LSR: variants seen among roughly 807,000 people sequenced by gnomAD.
LSR encodes the protein lipolysis stimulated lipoprotein receptor.
LSR carries 44 observed loss-of-function variants against 61.8 expected under a neutral mutation model. The observed-to-expected ratio is 0.71, with a 90% CI of 0.56 to 0.91. The LOEUF (loss-of-function observed/expected upper bound fraction) is 0.91. Ranked by LOEUF, LSR falls within the 40% of genes least tolerant of loss-of-function variation. The probability of loss-of-function intolerance (pLI) is 0.00; values close to 1 mark genes in which losing one functional copy is unlikely to be tolerated. For synonymous variants in LSR, 397 were observed against 350.6 expected (o/e 1.13, Z -1.48); for missense variants, 911 against 830.5 (o/e 1.10, Z -1.19).
Position 35,250,573 on chromosome 19 carries a change from G to T in LSR, c.368G>T (p.Arg123Leu). ...NPYVECQDSV[R>L]TVRVVATKQG... ...TACGTTGAGTGCCAGGACAGCGTGC[G>T]CACCGTCAGGGTCGTGGCCACCAAG... Residue 123 changes from arginine to leucine, a missense_variant, in exon 2 of 10, where the codon CGC becomes CTC. Arg to Leu is a moderately radical substitution (Grantham distance 102). Coordinates refer to ENST00000605618, the MANE Select transcript of LSR (RefSeq NM_205834.4). The T allele has an allele frequency of 6.2e-7, 1 of 1,613,162 alleles. No individual in the cohort carries two copies.
chr19:35,251,148 A>T (rs572359793), intron 2 of LSR, among the ~76,000 whole-genome samples: 1 of 152,154 alleles, frequency 6.6e-6, no homozygotes, highest in East Asian at 1.9e-4. Context: ...TAATTTAATA[A>T]CGAAGATTTT....
intron 2 of LSR, among the ~76,000 whole-genome samples, chr19:35,251,149 C>A (rs541105733): frequency 2.0e-5 from 3 of 152,168 alleles, no homozygotes; most frequent in Admixed American, 2.0e-4. Context: ...AATTTAATAA[C>A]GAAGATTTTT....
intron 2 of LSR, among the ~76,000 whole-genome samples, chr19:35,254,632 C>T (rs1258141884): frequency 6.6e-6 from 1 of 152,170 alleles, no homozygotes; most frequent in Non-Finnish European, 1.5e-5. Context: ...ATGAAGGTCA[C>T]CTTTGCGGTG....
intron 4 of LSR, 90 bp downstream of exon 4, chr19:35,262,071 T>G (rs1010358115): frequency 4.9e-6 from 6 of 1,218,366 alleles, no homozygotes; most frequent in African/African-American, 4.8e-5. Flanking sequence ...CCTTCCCCAC[T>G]AAACCCTGCT....
intron 2 of LSR, among the ~76,000 whole-genome samples, chr19:35,252,476 C>A (rs1366786889): frequency 6.6e-6 from 1 of 150,992 alleles, no homozygotes; most frequent in East Asian, 2.0e-4. Flanking sequence ...TGGTGAAACC[C>A]CGTCTCTACT....
At chr19:35,251,387 G>C (rs1043401141) in intron 2 of LSR, 2 of 152,200 alleles carry the variant, frequency 1.3e-5, no homozygotes. Flanking sequence ...ATTTATCTAA[G>C]TAACAACTTA....
At position 35,254,897 on chromosome 19, in the gene LSR, A is replaced by G. The variant is rs796224556; in HGVS notation, c.455-4048A>G. Reference sequence around the variant, plus strand: ...AAATGTCAGACAGGTCAAACAAAACACAGTGAGGTCCAGCCTCGGCCTACA... The same window carrying G: ...AAATGTCAGACAGGTCAAACAAAACGCAGTGAGGTCCAGCCTCGGCCTACA... On this transcript the variant is annotated intron_variant, in intron 2 of 9. Transcript: ENST00000605618. Among the ~76,000 whole-genome samples the G allele has an allele frequency of 5.0e-4, 76 of 152,330 alleles. 1 individual carries two copies. Among genetic ancestry groups the G allele is most frequent in the African/African-American group, 1.7e-3 (72 of 41,580 alleles).
rs938435775 is a variant in LSR, at chr19:35,267,110, C to T, written c.1146C>T (p.Ala382=). 6.5e-7 allele frequency: 1 copy of T among 1,528,430 alleles called. No homozygotes were observed. Among genetic ancestry groups the T allele is most frequent in the Non-Finnish European group, 8.8e-7 (1 of 1,142,278 alleles). 94.7% of individuals were successfully genotyped at this position (1,528,430 alleles called of 1,614,324 possible). A position where few individuals can be genotyped will look rare whatever the true frequency, so the allele number is the denominator to read the frequency against. The part of the protein sequence containing the change: ...PGPPSGRVER[A]MSEVTSLHED... ...CAGTGACACCCCCCTTCCCTGCAGC[C>T]ATGAGTGAAGTCACCTCCCTCCACG... The change falls in exon 9 of 10, where the codon GCC becomes GCT. Residue 382 remains alanine (A), a splice_region_variant and synonymous_variant. Transcript: ENST00000605618.
At chr19:35,265,073 A>C (rs983763154) in intron 5 of LSR, among the ~76,000 whole-genome samples, 1 of 152,214 alleles carries the variant, frequency 6.6e-6, no homozygotes, top group Non-Finnish European at 1.5e-5. Flanking sequence ...GTGGTGTGCA[A>C]CCTGGTTCCT....
chr19:35,267,537 G>T lies in LSR; in HGVS notation c.1573G>T (p.Asp525Tyr), dbSNP rs141654455. The T allele has an allele frequency of 5.8e-4, 931 of 1,612,244 alleles. 2 individuals carry two copies. The African/African-American group carries it at 0.012, about 20-fold the overall frequency. ...DPRSHHHRTR[D>Y]PRDNGSRSGD... ...CAGGTCCCACCACCACCGTACCCGGGACCCTCGGGACAACGGCTCCAGGTC... is the reference window on the plus strand; with the variant it reads ...CAGGTCCCACCACCACCGTACCCGGTACCCTCGGGACAACGGCTCCAGGTC... The change falls in exon 9 of 10, where the codon GAC (aspartate) becomes TAC (tyrosine). Residue 525 changes from aspartate (D) to tyrosine (Y), a missense_variant. Physicochemically the swap from Asp to Tyr is radical, Grantham distance 160 (BLOSUM62 -3). Transcript: ENST00000605618.
chr19:35,250,267 C>G (rs1376789244), intron 1 of LSR, 48 bp from the exon 2 acceptor site: 4 of 1,331,068 alleles, frequency 3.0e-6, no homozygotes, highest in Admixed American at 2.3e-5. Context: ...TGTTGAAGCA[C>G]CTCCCTGAGC....
intron 2 of LSR, among the ~76,000 whole-genome samples, chr19:35,258,028 A>C (rs2065877107): frequency 6.6e-6 from 1 of 152,040 alleles, no homozygotes; most frequent in South Asian, 2.1e-4. Context: ...GGTACCTAGA[A>C]TCTGGCCTGT....
At position 35,262,504 on chromosome 19, in the gene LSR, C is replaced by A. The variant is rs746221676; in HGVS notation, c.632-42C>A. The A allele has an allele frequency of 1.9e-6, 3 of 1,612,666 alleles. No homozygotes were observed. The South Asian group carries it at 3.3e-5, about 18-fold the overall frequency. On this transcript the variant is annotated intron_variant, in intron 4 of 9. Coordinates refer to ENST00000605618, the MANE Select transcript of LSR (RefSeq NM_205834.4). ...CCCTGCTGTGCCGTTAGCCCTGTTC[C>A]CTCCCAGGCCTCCGGGCTCAGGGCC...
In LSR at chr19:35,267,183, A is replaced by G. The variant is rs757223953; in HGVS notation, c.1219A>G (p.Ile407Val). The change falls in exon 9 of 10, where the codon ATC becomes GTC. Residue 407 changes from isoleucine (I) to valine (V), a missense_variant. Coordinates refer to ENST00000605618, the MANE Select transcript of LSR (RefSeq NM_205834.4). ...RPSRGPALTP[I>V]RDEEWGGHSP... Reference sequence around the variant, plus strand: ...TTCCCGGGGCCCTGCCCTCACCCCGATCCGGGATGAGGAGTGGGGTGGCCA... The same window carrying G: ...TTCCCGGGGCCCTGCCCTCACCCCGGTCCGGGATGAGGAGTGGGGTGGCCA... 5 of 1,523,820 alleles carry G rather than the reference A, an allele frequency of 3.3e-6. No individual in the cohort carries two copies. Among genetic ancestry groups the G allele is most frequent in the Non-Finnish European group, 4.4e-6 (5 of 1,139,244 alleles). The allele number at this position is 1,523,820 out of a possible 1,614,324, so 94.4% of individuals were successfully genotyped here.
chr19:35,266,944 C>T lies in LSR; in HGVS notation c.1121C>T (p.Pro374Leu), dbSNP rs201351520. 6.2e-7 allele frequency: 1 copy of T among 1,613,456 alleles called. No individual in the cohort carries two copies. Among genetic ancestry groups the T allele is most frequent in the African/African-American group, 1.3e-5 (1 of 75,034 alleles). ...AACTTCGACCCTTCTCGACCTGGCC[C>T]CCCCAGTGGCCGTGTGGAGCGGGGT... ...LANFDPSRPG[P>L]PSGRVERAMS... The change falls in exon 8 of 10, where the codon CCC becomes CTC. Residue 374 changes from proline (P) to leucine (L), a missense_variant. Physicochemically the swap from Pro to Leu is moderately conservative, Grantham distance 98. Coordinates refer to ENST00000605618, the MANE Select transcript of LSR (RefSeq NM_205834.4).
intron 6 of LSR, 44 bp downstream of exon 6, chr19:35,266,576 G>A: frequency 1.2e-6 from 2 of 1,601,138 alleles, no homozygotes; most frequent in Non-Finnish European, 1.7e-6. Context: ...AGTGTGCTGG[G>A]CATCTGGACA....
intron 9 of LSR, 38 bp from the exon 10 acceptor site, chr19:35,267,786 C>A (rs201386786): frequency 2.5e-5 from 40 of 1,613,930 alleles, no homozygotes; most frequent in Middle Eastern, 1.6e-4. Context: ...CCCAGCCGGT[C>A]CCCGCGGCTC....
In LSR at chr19:35,266,425, A is replaced by G. The variant is rs773369862; in HGVS notation, c.845A>G (p.His282Arg). The G allele has an allele frequency of 1.2e-6, 2 of 1,611,894 alleles. No homozygotes were observed. Among genetic ancestry groups the G allele is most frequent in the Admixed American group, 1.7e-5 (1 of 59,778 alleles). Residue 282 changes from histidine to arginine, a missense_variant, in exon 6 of 10, where the codon CAC becomes CGC. Transcript: ENST00000605618. ...ATTTATGCCCCCAGCACCTATGCCC[A>G]CCTGTCTCCCGCCAAGACCCCACCC... is the stretch of plus-strand genomic sequence containing the variant. ...PSIYAPSTYAHLSPAKTPPPP... is the reference protein window; with the variant it reads ...PSIYAPSTYARLSPAKTPPPP...
At chr19:35,249,288 G>C (rs1012946378) in intron 1 of LSR, 157 bp downstream of exon 1, 4 of 903,850 alleles carry the variant, frequency 4.4e-6, no homozygotes, top group African/African-American at 3.5e-5. Context: ...GCGCGGGAGT[G>C]AGAGGAATTC....
Sources: allele counts gnomAD v4.1 joint callset (sites outside exome capture counted in the v4.1 genomes callset), GRCh38; gene constraint gnomAD v4.1.1; transcripts MANE v1.5; gene names NCBI Gene and HGNC (gene_info 2026-07-23, HGNC 2026-07-21).